Variants in MAPKAPK5 observed in about 807,000 individuals in gnomAD.
MAPKAPK5 encodes the protein MAP kinase-activated protein kinase 5.
A neutral mutation model predicts 65.1 loss-of-function variants in MAPKAPK5; 30 were observed. The observed-to-expected ratio is 0.46, with a 90% confidence interval of 0.34 to 0.63. The LOEUF is 0.63. Among genes scored for constraint, MAPKAPK5 ranks in the 20% least tolerant of loss-of-function variants. The pLI is 0.01. For missense variants in MAPKAPK5, 433 were observed against 581.4 expected, an observed-to-expected ratio of 0.74 and a Z score of 2.63; for synonymous variants, 179 against 204.6, an observed-to-expected ratio of 0.87 and a Z score of 1.07.
At chr12:111,874,441 T>C (rs2136121486) in intron 7 of MAPKAPK5, among the ~76,000 whole-genome samples, 1 of 150,856 alleles carries the variant, frequency 6.6e-6, no homozygotes, top group South Asian at 2.1e-4. Flanking sequence ...TTTATAGAAA[T>C]ACTAGTGTTT....
intron 13 of MAPKAPK5, 59 bp downstream of exon 13, chr12:111,890,203 C>A: frequency 8.0e-7 from 1 of 1,255,962 alleles, no homozygotes; most frequent in Non-Finnish European, 1.1e-6. Context: ...ATGTTTAGAA[C>A]ATATAGGATC....
intron 12 of MAPKAPK5, chr12:111,889,662 G>A (rs1267360862): frequency 9.7e-6 from 2 of 205,568 alleles, no homozygotes; most frequent in African/African-American, 4.6e-5. Flanking sequence ...CTCATGTAGT[G>A]TACCTCAGAT....
chr12:111,897,548 A>G lies in MAPKAPK5; in HGVS notation c.*4487A>G, dbSNP rs2070864927. The G allele has an allele frequency of 6.6e-6, 1 of 152,206 alleles. No homozygotes were observed. 9.4% of individuals were successfully genotyped at this position (152,206 alleles called of 1,614,324 possible). A position where few individuals can be genotyped will look rare whatever the true frequency, so the allele number is the denominator to read the frequency against. On this transcript the variant is annotated 3_prime_UTR_variant, in exon 14 of 14. Coordinates refer to ENST00000550735, the MANE Select transcript of MAPKAPK5 (RefSeq NM_003668.4). ...CTAATTTGCGCTGCCTATTTTGGTT[A>G]AGAAACAGGGAAACACCCTAAAATC...
chr12:111,877,606 T>G (rs2070033671), intron 7 of MAPKAPK5, among the ~76,000 whole-genome samples: 1 of 152,262 alleles, frequency 6.6e-6, no homozygotes, highest in African/African-American at 2.4e-5. Context: ...AGACCTTTTC[T>G]GTATTTACAA....
At chr12:111,865,164 C>T (rs2069559460) in intron 1 of MAPKAPK5, 86 bp from the exon 2 acceptor site, 2 of 779,988 alleles carry the variant, frequency 2.6e-6, no homozygotes, top group African/African-American at 1.7e-5. Context: ...TGTTGAGTGA[C>T]AGGTCTTCTG....
intron 7 of MAPKAPK5, among the ~76,000 whole-genome samples, chr12:111,878,993 A>G (rs1484630119): frequency 6.6e-6 from 1 of 152,120 alleles, no homozygotes; most frequent in Non-Finnish European, 1.5e-5. Context: ...TGTTTTTGCT[A>G]TTCTGACTTC....
At chr12:111,869,539 T>G (rs975504663) in intron 5 of MAPKAPK5, among the ~76,000 whole-genome samples, 8 of 152,166 alleles carry the variant, frequency 5.3e-5, no homozygotes, top group African/African-American at 1.9e-4. Context: ...TAATAAAAAG[T>G]TCTTCCAAGT....
At chr12:111,879,223 C>T (rs2070105178) in intron 7 of MAPKAPK5, 1 of 152,104 alleles carries the variant, frequency 6.6e-6, no homozygotes, top group African/African-American at 2.4e-5. Context: ...ATAGGTCTCT[C>T]ACATATTTGT....
chr12:111,866,122 T>A, intron 2 of MAPKAPK5, 34 bp from the exon 3 acceptor site: 1 of 1,474,422 alleles, frequency 6.8e-7, no homozygotes, highest in Non-Finnish European at 9.3e-7. Flanking sequence ...CTAACATATA[T>A]GATCTCTGAT....
At position 111,880,499 on chromosome 12, in the gene MAPKAPK5, C is replaced by A; in HGVS notation, c.632C>A (p.Thr211Asn). ...HQKEKSGIIP[T>N]SPTPYTYNKS... ...AAGGAGAAATCTGGCATCATACCTA[C>A]CTCACCGACGCCCTACACTTACAAC... The change falls in exon 8 of 14, where the codon ACC (threonine) becomes AAC (asparagine). Residue 211 changes from threonine to asparagine, a missense_variant. Coordinates refer to ENST00000550735, the MANE Select transcript of MAPKAPK5 (RefSeq NM_003668.4). The A allele has an allele frequency of 6.2e-7, 1 of 1,613,658 alleles. No homozygotes were observed. Among genetic ancestry groups the A allele is most frequent in the Middle Eastern group, 1.7e-4 (1 of 6,058 alleles).
rs967566961 is a variant in MAPKAPK5, at chr12:111,888,005, A to T, written c.970-483A>T. On this transcript the variant is annotated intron_variant, in intron 10 of 13. Coordinates refer to ENST00000550735, the MANE Select transcript of MAPKAPK5 (RefSeq NM_003668.4). The stretch of plus-strand genomic sequence containing the variant: ...AACTTCCAGAGTTCCAGACTCCATG[A>T]CAGCTATTTCTCACTGTAAATTACT... 5.5e-5 allele frequency: 9 copies of T among 163,012 alleles called. No homozygotes were observed. The South Asian group carries it at 1.5e-3, about 27-fold the overall frequency. 10.1% of individuals were successfully genotyped at this position (163,012 alleles called of 1,614,324 possible).
chr12:111,891,807 TA>T (rs57996871), intron 13 of MAPKAPK5, among the ~76,000 whole-genome samples: 219 of 140,840 alleles, frequency 1.6e-3, no homozygotes, highest in Middle Eastern at 3.6e-3. Flanking sequence ...ACTCCGTCTT[TA>T]AAAAAAAAAA....
intron 6 of MAPKAPK5, 148 bp from the exon 7 acceptor site, chr12:111,870,937 A>C: frequency 1.6e-6 from 1 of 619,266 alleles, no homozygotes; most frequent in East Asian, 2.8e-5. Flanking sequence ...CATTGTCTCC[A>C]GACCTGGGGA....
intron 1 of MAPKAPK5, among the ~76,000 whole-genome samples, chr12:111,864,700 A>G (rs1341353319): frequency 6.6e-6 from 1 of 152,224 alleles, no homozygotes; most frequent in Non-Finnish European, 1.5e-5. Flanking sequence ...TTGACAGAAT[A>G]TATCTGTACA....
intron 1 of MAPKAPK5, among the ~76,000 whole-genome samples, chr12:111,849,685 A>C (rs2069010318): frequency 6.6e-6 from 1 of 152,000 alleles, no homozygotes; most frequent in Non-Finnish European, 1.5e-5. Context: ...AAAGGTTTTA[A>C]ATTTTATGAA....
rs988605386 is a variant in MAPKAPK5, at chr12:111,896,271, G to A, written c.*3210G>A. ...ATACTCCCTTTGACTCTGAGCATCAGTTGCCCGTGTTTCAGTCACTTCAAG... is the reference window on the plus strand; with the variant it reads ...ATACTCCCTTTGACTCTGAGCATCAATTGCCCGTGTTTCAGTCACTTCAAG... On this transcript the variant is annotated 3_prime_UTR_variant, in exon 14 of 14. Coordinates refer to ENST00000550735, the MANE Select transcript of MAPKAPK5 (RefSeq NM_003668.4). 2.0e-5 allele frequency: 3 copies of A among 152,152 alleles called. No homozygotes were observed. Among genetic ancestry groups the A allele is most frequent in the African/African-American group, 7.2e-5 (3 of 41,434 alleles). The allele number at this position is 152,152 out of a possible 1,614,324, so 9.4% of individuals were successfully genotyped here.
At chr12:111,846,691 G>A (rs1260216470) in intron 1 of MAPKAPK5, among the ~76,000 whole-genome samples, 3 of 151,492 alleles carry the variant, frequency 2.0e-5, no homozygotes, top group Non-Finnish European at 2.9e-5. Flanking sequence ...TAGAGACGGG[G>A]TTTCACCATG....
chr12:111,895,361 A>G lies in MAPKAPK5; in HGVS notation c.*2300A>G, dbSNP rs1021867445. ...CGTGATCCGCCCACCTCAGCCTCCA[A>G]AAGTGCTGGGATTACAGGTGTGAGC... On this transcript the variant is annotated 3_prime_UTR_variant, in exon 14 of 14. Coordinates refer to ENST00000550735, the MANE Select transcript of MAPKAPK5 (RefSeq NM_003668.4). 1 of 152,056 alleles carries G rather than the reference A, an allele frequency of 6.6e-6. No individual in the cohort carries two copies. The highest frequency in any genetic ancestry group is 2.4e-5 in the African/African-American group (1 of 41,392). 9.4% of individuals were successfully genotyped at this position (152,056 alleles called of 1,614,324 possible).
At chr12:111,887,105 G>A (rs1167418813) in intron 10 of MAPKAPK5, among the ~76,000 whole-genome samples, 3 of 152,140 alleles carry the variant, frequency 2.0e-5, no homozygotes, top group Non-Finnish European at 4.4e-5. Flanking sequence ...TTTATAGGGT[G>A]GGACCATAGT....
Sources: allele counts gnomAD v4.1 joint callset (sites outside exome capture counted in the v4.1 genomes callset), GRCh38; gene constraint gnomAD v4.1.1; transcripts MANE v1.5; gene names NCBI Gene and HGNC (gene_info 2026-07-23, HGNC 2026-07-21).